PIM2: variants seen among roughly 807,000 people sequenced by gnomAD.
PIM2 encodes Pim-2 proto-oncogene, serine/threonine kinase.
In PIM2, 3 loss-of-function variants were observed where a neutral mutation model predicts 18.0. That is an observed-to-expected ratio of 0.17 (90% confidence interval 0.08 to 0.43). PIM2 has a LOEUF of 0.43. PIM2 is among the 20% of genes least tolerant of loss of function. The probability of loss-of-function intolerance (pLI) is 0.99; values close to 1 mark genes in which losing one functional copy is unlikely to be tolerated. For synonymous variants in PIM2, 117 were observed against 105.3 expected (o/e 1.11, Z -0.68); for missense variants, 181 against 260.8 (o/e 0.69, Z 2.11).
At position 48,914,513 on chromosome X, in the gene PIM2, C is replaced by T. The variant is rs147587155; in HGVS notation, c.654G>A (p.Pro218=). ...GGATGCCCAGTGACCAGACAGTGGC[C>T]GGGAGTGCATGGTACTGGTGTCGAG... ...WISRHQYHAL[P]ATVWSLGILL... Residue 218 remains proline (P), a synonymous_variant, in exon 5 of 6, where the codon CCG becomes CCA. Transcript: ENST00000376509. The T allele has an allele frequency of 2.0e-5, 24 of 1,206,961 alleles. No individual in the cohort carries two copies. The African/African-American group carries it at 2.8e-4, about 14-fold the overall frequency.
chrX:48,915,670 T>C, intron 3 of PIM2: 1 of 277,956 alleles, frequency 3.6e-6, no homozygotes. Flanking sequence ...GCACAGTGGC[T>C]CATCCCTGCA....
rs182026404 is a variant in PIM2, at chrX:48,916,758, G to A, written c.222+1023C>T. Reference sequence around the variant, plus strand: ...AGCTACTCAGGAGCCTGAGGCAGGAGAATCGCTTGAACCCAGGAGGTGGAG... The same window carrying A: ...AGCTACTCAGGAGCCTGAGGCAGGAAAATCGCTTGAACCCAGGAGGTGGAG... On this transcript the variant is annotated intron_variant, in intron 3 of 5. Transcript: ENST00000376509. 2.9e-3 allele frequency among the ~76,000 whole-genome samples: 321 copies of A among 110,858 alleles called. 2 individuals carry two copies. Among genetic ancestry groups the A allele is most frequent in the African/African-American group, 9.9e-3 (301 of 30,425 alleles).
chrX:48,916,875 C>A (rs1390459918), intron 3 of PIM2, among the ~76,000 whole-genome samples: 1 of 109,129 alleles, frequency 9.2e-6, no homozygotes, highest in Non-Finnish European at 1.9e-5. Flanking sequence ...ATAAATGCAG[C>A]CGGGCGTGGT....
At chrX:48,917,694 G>T in intron 3 of PIM2, 87 bp downstream of exon 3, 1 of 691,812 alleles carries the variant, frequency 1.4e-6, no homozygotes, top group Non-Finnish European at 2.3e-6. Context: ...ACAGGGCCCA[G>T]GGAGTCATAC....
In PIM2 at chrX:48,913,548, C is replaced by T. The variant is rs1280021744; in HGVS notation, c.*583G>A. The T allele has an allele frequency of 1.5e-5, 1 of 64,612 alleles. No homozygotes were observed. The highest frequency in any genetic ancestry group is 3.2e-5 in the Non-Finnish European group (1 of 31,708). The allele number at this position is 64,612 out of a possible 1,213,427, so 5.3% of individuals were successfully genotyped here. The stretch of plus-strand genomic sequence containing the variant: ...ACTTGGGATAACAGAGTAGGGTCCC[C>T]TCACCCAAAAAAAAAAAAAAAAAAA... On this transcript the variant is annotated 3_prime_UTR_variant, in exon 6 of 6. Coordinates refer to ENST00000376509, the MANE Select transcript of PIM2 (RefSeq NM_006875.4).
At position 48,915,029 on chromosome X, in the gene PIM2, C is replaced by T. The variant is rs782388078; in HGVS notation, c.586G>A (p.Asp196Asn). The change falls in exon 4 of 6, where the codon GAC (aspartate) becomes AAC (asparagine). Residue 196 changes from aspartate to asparagine, a missense_variant. Asp to Asn is a conservative substitution (Grantham distance 23). Transcript: ENST00000376509. The part of the protein sequence containing the change: ...GALLHDEPYT[D>N]FDGTRVYSPP... ...TTTAGAGAAGCCTTACCATCAAAGT[C>T]AGTGTAGGGTTCATCATGAAGCAGG... is the stretch of plus-strand genomic sequence containing the variant. The T allele has an allele frequency of 1.3e-4, 153 of 1,195,701 alleles. 2 individuals carry two copies. The South Asian group carries it at 2.5e-3, about 20-fold the overall frequency.
Position 48,913,915 on chromosome X carries a change from G to A in PIM2, c.*216C>T. 8.8e-6 allele frequency: 3 copies of A among 339,905 alleles called. No individual in the cohort carries two copies. Among genetic ancestry groups the A allele is most frequent in the Non-Finnish European group, 5.1e-6 (1 of 197,206 alleles). The allele number at this position is 339,905 out of a possible 1,213,427, so 28.0% of individuals were successfully genotyped here. On this transcript the variant is annotated 3_prime_UTR_variant, in exon 6 of 6. Transcript: ENST00000376509. Reference sequence around the variant, plus strand: ...TCCAGAATCAGGGACCACAGGTTCTGGGAGGAAGGCTCCTTTGTAGGATTG... The same window carrying A: ...TCCAGAATCAGGGACCACAGGTTCTAGGAGGAAGGCTCCTTTGTAGGATTG...
chrX:48,918,362 C>T (rs1310673014), intron 2 of PIM2, among the ~76,000 whole-genome samples, 174 bp downstream of exon 2: 3 of 92,088 alleles, frequency 3.3e-5, no homozygotes, highest in East Asian at 3.5e-4. Flanking sequence ...CACACCTGGC[C>T]CTCTACACAC....
chrX:48,916,413 A>G (rs976320085), intron 3 of PIM2, among the ~76,000 whole-genome samples: 5 of 112,977 alleles, frequency 4.4e-5, no homozygotes, highest in Non-Finnish European at 9.4e-5. Context: ...GAACCAGCCA[A>G]TAAAAAGCCT....
At position 48,915,410 on chromosome X, in the gene PIM2, G is replaced by C. The variant is rs782679470; in HGVS notation, c.223-18C>G. 3.4e-6 allele frequency: 4 copies of C among 1,185,381 alleles called. No homozygotes were observed. Among genetic ancestry groups the C allele is most frequent in the Non-Finnish European group, 4.5e-6 (4 of 880,264 alleles). ...GAGTCTGACTGGGGGCACAGGTGGG[G>C]TGGGAAGCAGGGAGAGAAAAAAGAC... On this transcript the variant is annotated intron_variant, in intron 3 of 5. Coordinates refer to ENST00000376509, the MANE Select transcript of PIM2 (RefSeq NM_006875.4).
chrX:48,915,236 CAA>C lies in PIM2; in HGVS notation c.377_378del (p.Phe126Ter). ...LERPLPAQDL[F>X]DYITEKGPLG... is the part of the protein sequence containing the mutation. ...AGTGGGCCCTTCTCTGTGATATAGT[CAA>C]AGAGATCCTGGGCGGGCAAAGGCCG... On this transcript the variant is annotated frameshift_variant, in exon 4 of 6. Transcript: ENST00000376509. LOFTEE classifies it high-confidence loss of function. 8.3e-7 allele frequency: 1 copy of C among 1,212,034 alleles called. No homozygotes were observed.
Position 48,918,435 on chromosome X carries a change from A to G in PIM2, c.171+101T>C, listed in dbSNP as rs1287347167. 1.4e-5 allele frequency: 8 copies of G among 561,851 alleles called. No individual in the cohort carries two copies. In the Admixed American group the frequency reaches 2.9e-4, roughly 20 times the overall value. The allele number at this position is 561,851 out of a possible 1,213,427, so 46.3% of individuals were successfully genotyped here. ...CACACACACACACCTGGTCCTCTAC[A>G]CACTCTGCAGGCTCACTCCTCGGTC... On this transcript the variant is annotated intron_variant, in intron 2 of 5. Coordinates refer to ENST00000376509, the MANE Select transcript of PIM2 (RefSeq NM_006875.4).
chrX:48,914,904 A>T (rs1569512246), intron 4 of PIM2, 116 bp downstream of exon 4: 5 of 654,321 alleles, frequency 7.6e-6, no homozygotes, highest in Non-Finnish European at 1.2e-5. Context: ...GCAATCGATC[A>T]TCTTATATAA....
At chrX:48,918,138 C>A (rs2063568148) in intron 2 of PIM2, among the ~76,000 whole-genome samples, 1 of 109,197 alleles carries the variant, frequency 9.2e-6, no homozygotes, top group Non-Finnish European at 1.9e-5. Flanking sequence ...CTATTTAGCT[C>A]TACGACACCC....
intron 3 of PIM2, among the ~76,000 whole-genome samples, chrX:48,916,568 G>C (rs1272989017): frequency 9.0e-6 from 1 of 111,688 alleles, no homozygotes; most frequent in Non-Finnish European, 1.9e-5. Flanking sequence ...AAAATTAGAG[G>C]CCGGGCGCGG....
At chrX:48,916,482 CGGGCAGATCA>C (rs1166615086) in intron 3 of PIM2, among the ~76,000 whole-genome samples, 1 of 110,772 alleles carries the variant, frequency 9.0e-6, no homozygotes, top group Non-Finnish European at 1.9e-5. Context: ...GAGGCCGAGA[CGGGCAGATCA>C]CCTGAGGTCG....
chrX:48,914,483 G>A lies in PIM2; in HGVS notation c.684C>T (p.Leu228=), dbSNP rs1557045001. 1 of 1,210,376 alleles carries A rather than the reference G, an allele frequency of 8.3e-7. No individual in the cohort carries two copies. The highest frequency in any genetic ancestry group is 1.1e-6 in the Non-Finnish European group (1 of 894,773). Residue 228 remains leucine, a synonymous_variant, in exon 5 of 6, where the codon CTC becomes CTT. Transcript: ENST00000376509. The part of the protein sequence containing the change: ...PATVWSLGIL[L]YDMVCGDIPF... ...GAATGTCCCCACACACCATGTCATA[G>A]AGGAGGATGCCCAGTGACCAGACAG... is the stretch of plus-strand genomic sequence containing the variant.
Position 48,914,125 on chromosome X carries a change from C to A in PIM2, c.*6G>T, listed in dbSNP as rs987506389. 3.7e-6 allele frequency: 4 copies of A among 1,093,895 alleles called. No individual in the cohort carries two copies. In the Middle Eastern group the frequency reaches 7.8e-4, roughly 213 times the overall value. 90.1% of individuals were successfully genotyped at this position (1,093,895 alleles called of 1,213,427 possible). A position where few individuals can be genotyped will look rare whatever the true frequency, so the allele number is the denominator to read the frequency against. The stretch of plus-strand genomic sequence containing the variant: ...CCATTGGGGGCCAGGCCAGGCCAGG[C>A]CAGGCTTAGGGTAGCAAGGACCAGG... On this transcript the variant is annotated 3_prime_UTR_variant, in exon 6 of 6. Transcript: ENST00000376509.
At chrX:48,917,421 C>T (rs1041564939) in intron 3 of PIM2, among the ~76,000 whole-genome samples, 21 of 113,050 alleles carry the variant, frequency 1.9e-4, no homozygotes, top group African/African-American at 6.4e-4. Context: ...GCTCCCAACT[C>T]TACAACTTGC....
Sources: gnomAD v4.1 joint callset for allele counts (sites outside exome capture counted in the v4.1 genomes callset) on GRCh38, gnomAD v4.1.1 for gene constraint, MANE v1.5 for transcripts, NCBI Gene and HGNC (gene_info 2026-07-23, HGNC 2026-07-21) for gene names.